The following CXXC4 variants were observed in gnomAD, a reference collection of about 807,000 sequenced individuals.
CXXC4 encodes the protein CXXC finger protein 4, also known as CXXC-type zinc finger protein 4.
CXXC4 carries 5 observed loss-of-function variants against 20.5 expected under a neutral mutation model. That is an observed-to-expected ratio of 0.24 (90% CI 0.13 to 0.51). The LOEUF (loss-of-function observed/expected upper bound fraction) is 0.51. CXXC4 is among the 20% of genes least tolerant of loss of function. The probability of loss-of-function intolerance (pLI) is 0.97; values close to 1 mark genes in which losing one functional copy is unlikely to be tolerated. For missense variants in CXXC4, 419 were observed against 496.4 expected (o/e 0.84, Z 1.48); for synonymous variants, 250 against 216.4 (o/e 1.16, Z -1.36).
chr4:104,492,708 A>C (rs565554186), intron 1 of CXXC4, among the ~76,000 whole-genome samples: 2 of 152,230 alleles, frequency 1.3e-5, no homozygotes, highest in South Asian at 4.2e-4. Flanking sequence ...CATTAGTTTG[A>C]ATCCCAGCAC....
intron 2 of CXXC4, among the ~76,000 whole-genome samples, chr4:104,483,666 C>T (rs1487791978): frequency 6.6e-6 from 1 of 151,788 alleles, no homozygotes; most frequent in Non-Finnish European, 1.5e-5. Flanking sequence ...TGTTTTCCAA[C>T]TGGAATTCAT....
rs2298730 is a variant in CXXC4 at position 104,470,842 on chromosome 4, G to C, written c.*1480C>G. 2 of 151,914 alleles carry C rather than the reference G, an allele frequency of 1.3e-5. No individual in the cohort carries two copies. The allele number at this position is 151,914 out of a possible 1,614,324, so 9.4% of individuals were successfully genotyped here. On this transcript the variant is annotated 3_prime_UTR_variant, in exon 3 of 3. Transcript: ENST00000394767. ...TGGGACAAACAGAAATAAAATGGAA[G>C]GTAAATATTTGTCCTGATGGGACGG...
At chr4:104,473,290 T>C (rs963473211) in intron 2 of CXXC4, among the ~76,000 whole-genome samples, 2 of 151,840 alleles carry the variant, frequency 1.3e-5, no homozygotes, top group Non-Finnish European at 2.9e-5. Context: ...AGTAAATTGA[T>C]TACTAACCAA....
Position 104,490,710 on chromosome 4 carries a change from G to T in CXXC4, c.1059+34C>A, listed in dbSNP as rs367843323. The stretch of plus-strand genomic sequence containing the variant: ...GGAGAGGGAGTGAGGAGGGAAGGGG[G>T]GAGACTGGGAAACAAGAAATCATCT... On this transcript the variant is annotated intron_variant, in intron 2 of 2. Transcript: ENST00000394767. 5.6e-5 allele frequency: 87 copies of T among 1,553,152 alleles called. 1 individual carries two copies. In the Middle Eastern group the frequency reaches 1.0e-3, roughly 18 times the overall value.
At chr4:104,485,066 A>C (rs762165277) in intron 2 of CXXC4, among the ~76,000 whole-genome samples, 18 of 152,200 alleles carry the variant, frequency 1.2e-4, no homozygotes, top group Middle Eastern at 6.8e-3. Flanking sequence ...AAATTCTCAA[A>C]ATTTACATGG....
intron 2 of CXXC4, among the ~76,000 whole-genome samples, chr4:104,479,089 T>C (rs924170900): frequency 6.6e-6 from 1 of 152,112 alleles, no homozygotes; most frequent in Non-Finnish European, 1.5e-5. Context: ...GGTGAGTTCA[T>C]TGGTAATTAG....
At chr4:104,479,735 CCTT>C (rs1287778373) in intron 2 of CXXC4, among the ~76,000 whole-genome samples, 13 of 150,750 alleles carry the variant, frequency 8.6e-5, no homozygotes, top group Admixed American at 1.3e-4. Flanking sequence ...CTCTCTCCCT[CCTT>C]CTTTCTTTTT....
intron 2 of CXXC4, among the ~76,000 whole-genome samples, chr4:104,486,243 A>G (rs530549827): frequency 6.6e-6 from 1 of 152,142 alleles, no homozygotes; most frequent in African/African-American, 2.4e-5. Context: ...TTAAACTGAC[A>G]GTTAAAATTA....
chr4:104,471,578 T>C lies in CXXC4; in HGVS notation c.*744A>G, dbSNP rs1222689133. 6 of 152,094 alleles carry C rather than the reference T, an allele frequency of 3.9e-5. No homozygotes were observed. Among genetic ancestry groups the C allele is most frequent in the African/African-American group, 1.4e-4 (6 of 41,438 alleles). The allele number at this position is 152,094 out of a possible 1,614,324, so 9.4% of individuals were successfully genotyped here. ...TTCTGTACAGCTCGTTTGTAAGCAA[T>C]GCAAGTGCATAACCACTACTCTAAT... On this transcript the variant is annotated 3_prime_UTR_variant, in exon 3 of 3. Coordinates refer to ENST00000394767, the MANE Select transcript of CXXC4 (RefSeq NM_025212.4).
At chr4:104,493,902 A>T (rs1476700811) in intron 1 of CXXC4, among the ~76,000 whole-genome samples, 4 of 152,236 alleles carry the variant, frequency 2.6e-5, no homozygotes, top group Non-Finnish European at 5.9e-5. Context: ...CATCACATTG[A>T]GTGGAGGGAA....
Position 104,471,388 on chromosome 4 carries a change from T to C in CXXC4, c.*934A>G, listed in dbSNP as rs1289624117. ...TGGGGAAAAAATGTCAGTTATAAAT[T>C]TTCCCCTCCTAAGATATGATACTTT... On this transcript the variant is annotated 3_prime_UTR_variant, in exon 3 of 3. Coordinates refer to ENST00000394767, the MANE Select transcript of CXXC4 (RefSeq NM_025212.4). 2 of 151,938 alleles carry C rather than the reference T, an allele frequency of 1.3e-5. No individual in the cohort carries two copies. The highest frequency in any genetic ancestry group is 4.8e-5 in the African/African-American group (2 of 41,418). The allele number at this position is 151,938 out of a possible 1,614,324, so 9.4% of individuals were successfully genotyped here.
intron 2 of CXXC4, among the ~76,000 whole-genome samples, chr4:104,487,165 A>C (rs1321629284): frequency 6.6e-6 from 1 of 152,156 alleles, no homozygotes; most frequent in East Asian, 1.9e-4. Flanking sequence ...CAATGTCTTC[A>C]CTATAACCTG....
Position 104,470,379 on chromosome 4 carries a change from G to A in CXXC4, c.*1943C>T, listed in dbSNP as rs2110267617. ...TCATGAGTTTTTCTTGAAAACGCTT[G>A]TTGACCATAACTGTGGACCATGTAT... On this transcript the variant is annotated 3_prime_UTR_variant, in exon 3 of 3. Transcript: ENST00000394767. 1 of 152,078 alleles carries A rather than the reference G, an allele frequency of 6.6e-6. No homozygotes were observed. Among genetic ancestry groups the A allele is most frequent in the Non-Finnish European group, 1.5e-5 (1 of 67,956 alleles). The allele number at this position is 152,078 out of a possible 1,614,324, so 9.4% of individuals were successfully genotyped here.
In CXXC4 at chr4:104,491,665, G is replaced by A; in HGVS notation, c.138C>T (p.Ala46=). ...NSEMERYRSF[A]TSFYKTNGGA... is the part of the protein sequence containing the mutation. ...CCCCGTTGGTCTTGTAGAAGGAGGT[G>A]GCAAAGGAGCGGTAGCGCTCCATTT... Residue 46 remains alanine (A), a synonymous_variant, in exon 2 of 3, where the codon GCC becomes GCT. Coordinates refer to ENST00000394767, the MANE Select transcript of CXXC4 (RefSeq NM_025212.4). 1 of 1,547,102 alleles carries A rather than the reference G, an allele frequency of 6.5e-7. No homozygotes were observed. The highest frequency in any genetic ancestry group is 2.0e-5 in the Admixed American group (1 of 50,552).
chr4:104,479,786 C>T (rs538030933), intron 2 of CXXC4, among the ~76,000 whole-genome samples: 11 of 147,634 alleles, frequency 7.5e-5, no homozygotes, highest in South Asian at 2.2e-4. Context: ...TCCCTCCCTC[C>T]CTCTGTTCCT....
intron 2 of CXXC4, among the ~76,000 whole-genome samples, chr4:104,481,843 G>C (rs959572030): frequency 6.6e-6 from 1 of 152,068 alleles, no homozygotes; most frequent in African/African-American, 2.4e-5. Flanking sequence ...GACAGCAAAG[G>C]TATAGACCTG....
In CXXC4 at chr4:104,491,156, T is replaced by G; in HGVS notation, c.647A>C (p.Lys216Thr). The G allele has an allele frequency of 6.2e-7, 1 of 1,614,012 alleles. No homozygotes were observed. The highest frequency in any genetic ancestry group is 8.5e-7 in the Non-Finnish European group (1 of 1,180,004). ...CRPLAGECMN[K>T]LKCGAAEAEI... ...TGCTTCAGCAGCGCCGCATTTGAGC[T>G]TGTTCATGCATTCCCCCGCCAAAGG... Residue 216 changes from lysine to threonine, a missense_variant, in exon 2 of 3, where the codon AAG becomes ACG. Physicochemically the swap from Lys to Thr is moderately conservative, Grantham distance 78 (BLOSUM62 -1). This residue lies in a region of CXXC4 where 388 missense variants were observed against 416.0 expected (regional missense o/e 0.93). Coordinates refer to ENST00000394767, the MANE Select transcript of CXXC4 (RefSeq NM_025212.4).
rs1293187225 is a variant in CXXC4, at chr4:104,471,465, T to C, written c.*857A>G. 6.6e-6 allele frequency: 1 copy of C among 152,050 alleles called. No individual in the cohort carries two copies. The highest frequency in any genetic ancestry group is 1.5e-5 in the Non-Finnish European group (1 of 67,976). The allele number at this position is 152,050 out of a possible 1,614,324, so 9.4% of individuals were successfully genotyped here. A position where few individuals can be genotyped will look rare whatever the true frequency, so the allele number is the denominator to read the frequency against. On this transcript the variant is annotated 3_prime_UTR_variant, in exon 3 of 3. Transcript: ENST00000394767. Reference sequence around the variant, plus strand: ...TTATAAAAAAAAATTATACAACTGATTCTGCATTTTCCAACTACTCTGAGT... The same window carrying C: ...TTATAAAAAAAAATTATACAACTGACTCTGCATTTTCCAACTACTCTGAGT...
Position 104,492,702 on chromosome 4 carries a change from A to G in CXXC4, c.-257-643T>C, listed in dbSNP as rs373246456. 3.9e-4 allele frequency among the ~76,000 whole-genome samples: 59 copies of G among 152,224 alleles called. No individual in the cohort carries two copies. In the East Asian group the frequency reaches 6.4e-3, roughly 16 times the overall value. ...GTATCCTTCTGTGTCTGCGGTCATT[A>G]GTTTGAATCCCAGCACAGCTGGCTC... On this transcript the variant is annotated intron_variant, in intron 1 of 2. Transcript: ENST00000394767.
Sources: gnomAD v4.1 joint callset for allele counts (sites outside exome capture counted in the v4.1 genomes callset) on GRCh38, gnomAD v4.1.1 for gene constraint, gnomAD v4.1.1 regional missense constraint, MANE v1.5 for transcripts, NCBI Gene and HGNC (gene_info 2026-07-23, HGNC 2026-07-21) for gene names.